Variants in SLC24A3 observed in about 807,000 individuals in gnomAD.
SLC24A3 encodes the protein solute carrier family 24 member 3.
In SLC24A3, 28 loss-of-function variants were observed where a neutral mutation model predicts 75.8. The ratio of observed to expected loss-of-function variants is 0.37; its 90% CI spans 0.27 to 0.51. The LOEUF (loss-of-function observed/expected upper bound fraction) is 0.51, where lower values mean the gene tolerates loss of function less well. SLC24A3 is among the 20% of genes least tolerant of loss of function. The pLI, the probability that SLC24A3 is intolerant of heterozygous loss-of-function variation, is 0.94. For missense variants in SLC24A3, 663 were observed against 847.8 expected (o/e 0.78, Z 2.71); for synonymous variants, 372 against 334.1 (o/e 1.11, Z -1.24).
intron 3 of SLC24A3, among the ~76,000 whole-genome samples, chr20:19,517,539 A>T (rs532383742): frequency 6.6e-6 from 1 of 152,248 alleles, no homozygotes; most frequent in South Asian, 2.1e-4. Context: ...CTCCTTAAAC[A>T]CTTCCCTAAG....
intron 7 of SLC24A3, among the ~76,000 whole-genome samples, chr20:19,664,374 T>G (rs2032373645): frequency 6.6e-6 from 1 of 152,190 alleles, no homozygotes; most frequent in African/African-American, 2.4e-5. Context: ...GACATTGTCA[T>G]CCCAATGTCA....
chr20:19,425,743 C>G (rs1242314244), intron 2 of SLC24A3, among the ~76,000 whole-genome samples: 2 of 151,780 alleles, frequency 1.3e-5, no homozygotes, highest in Non-Finnish European at 2.9e-5. Flanking sequence ...CCACCACACA[C>G]TTCTTTAAAT....
chr20:19,426,250 A>G (rs1987004216), intron 2 of SLC24A3, among the ~76,000 whole-genome samples: 1 of 152,226 alleles, frequency 6.6e-6, no homozygotes, highest in Non-Finnish European at 1.5e-5. Flanking sequence ...CAATATACAC[A>G]AGGTTGTTTC....
intron 2 of SLC24A3, among the ~76,000 whole-genome samples, chr20:19,309,071 G>A (rs1984397542): frequency 1.3e-5 from 2 of 152,172 alleles, no homozygotes; most frequent in Non-Finnish European, 2.9e-5. Context: ...TCAGACCAGG[G>A]CCTCCTTTTT....
intron 2 of SLC24A3, among the ~76,000 whole-genome samples, chr20:19,398,234 T>G (rs1453851500): frequency 1.3e-5 from 2 of 152,142 alleles, no homozygotes; most frequent in Non-Finnish European, 2.9e-5. Context: ...GGATTTTGAT[T>G]GGGATTGTGT....
At chr20:19,700,231 C>T (rs980608673) in intron 15 of SLC24A3, among the ~76,000 whole-genome samples, 1 of 152,202 alleles carries the variant, frequency 6.6e-6, no homozygotes, top group Non-Finnish European at 1.5e-5. Context: ...GTTTTTTACT[C>T]AAATTCCACT....
intron 6 of SLC24A3, among the ~76,000 whole-genome samples, chr20:19,605,709 T>C (rs1466311510): frequency 3.9e-5 from 6 of 152,330 alleles, no homozygotes; most frequent in Middle Eastern, 3.4e-3. Context: ...TCACAACCAC[T>C]GCATTTTTAA....
intron 10 of SLC24A3, among the ~76,000 whole-genome samples, chr20:19,683,546 G>C (rs6136808): frequency 2.6e-4 from 40 of 152,352 alleles, no homozygotes; most frequent in African/African-American, 9.6e-4. Context: ...TCTGCTCATA[G>C]ACTGGGCTGA....
chr20:19,673,034 A>G (rs781197722), intron 8 of SLC24A3, among the ~76,000 whole-genome samples: 9 of 152,222 alleles, frequency 5.9e-5, no homozygotes, highest in Admixed American at 4.6e-4. Flanking sequence ...TTAGAAGCTC[A>G]AGGCACATTC....
chr20:19,696,503 C>T (rs530728758), intron 13 of SLC24A3: 7 of 307,650 alleles, frequency 2.3e-5, no homozygotes, highest in Middle Eastern at 9.1e-4. Flanking sequence ...TTGCCTTTTT[C>T]CCAGAAATTC....
intron 3 of SLC24A3, among the ~76,000 whole-genome samples, chr20:19,535,493 T>G (rs1387203372): frequency 6.6e-6 from 1 of 152,236 alleles, no homozygotes; most frequent in Non-Finnish European, 1.5e-5. Flanking sequence ...AATTAGAAGC[T>G]GCAGGTCATA....
chr20:19,648,218 G>C (rs1035504841), intron 6 of SLC24A3, among the ~76,000 whole-genome samples: 4 of 152,196 alleles, frequency 2.6e-5, no homozygotes, highest in Admixed American at 2.6e-4. Flanking sequence ...GGTGTCCTCA[G>C]ATGGTTTCAG....
intron 2 of SLC24A3, among the ~76,000 whole-genome samples, chr20:19,296,170 A>C (rs1227379078): frequency 6.7e-6 from 1 of 150,314 alleles, no homozygotes; most frequent in Non-Finnish European, 1.5e-5. Flanking sequence ...ATTCTCTGAC[A>C]GTTGTTTGTA....
chr20:19,675,294 T>C (rs3790286), intron 9 of SLC24A3, among the ~76,000 whole-genome samples: 69,268 of 152,066 alleles, frequency 0.46, 17,093 homozygotes, highest in South Asian at 0.63. Context: ...CTGCCTTCTC[T>C]AGGGGCAAGA....
chr20:19,263,198 G>C (rs1422702414), intron 1 of SLC24A3, among the ~76,000 whole-genome samples: 1 of 152,176 alleles, frequency 6.6e-6, no homozygotes, highest in Non-Finnish European at 1.5e-5. Context: ...GCAATGAGCA[G>C]GGTAGCTCAC....
intron 6 of SLC24A3, among the ~76,000 whole-genome samples, chr20:19,640,498 C>G (rs897809839): frequency 3.3e-5 from 5 of 152,042 alleles, no homozygotes; most frequent in Non-Finnish European, 5.9e-5. Context: ...ACCTGTAATC[C>G]TAGCACTTTG....
intron 6 of SLC24A3, among the ~76,000 whole-genome samples, chr20:19,629,680 G>A (rs1383718305): frequency 6.6e-6 from 1 of 152,152 alleles, no homozygotes; most frequent in Non-Finnish European, 1.5e-5. Flanking sequence ...TCATACAAGA[G>A]AAAATCCATA....
intron 6 of SLC24A3, among the ~76,000 whole-genome samples, chr20:19,599,726 A>T (rs2031501403): frequency 6.6e-6 from 1 of 152,136 alleles, no homozygotes; most frequent in African/African-American, 2.4e-5. Flanking sequence ...GGCCTTTCTG[A>T]TACCATTTCC....
At chr20:19,662,004 G>GA (rs1156469232) in intron 7 of SLC24A3, among the ~76,000 whole-genome samples, 1 of 152,216 alleles carries the variant, frequency 6.6e-6, no homozygotes, top group African/African-American at 2.4e-5. Context: ...AAGCCTGGAG[G>GA]AAATGAGTGC....
Sources: allele counts gnomAD v4.1 joint callset (sites outside exome capture counted in the v4.1 genomes callset), GRCh38; gene constraint gnomAD v4.1.1; transcripts MANE v1.5; gene names NCBI Gene and HGNC (gene_info 2026-07-23, HGNC 2026-07-21).